CRHR2: variants seen among roughly 807,000 people sequenced by gnomAD.
CRHR2 encodes the protein corticotropin-releasing hormone receptor 2.
CRHR2 carries 53 observed loss-of-function variants against 57.9 expected under a neutral mutation model. That is an observed-to-expected ratio of 0.92 (90% CI 0.73 to 1.15). The LOEUF (loss-of-function observed/expected upper bound fraction) is 1.15. Ranked by LOEUF, CRHR2 falls within the 50% of genes most tolerant of loss-of-function variation. CRHR2 has a pLI of 0.00. For synonymous variants in CRHR2, 213 were observed against 220.9 expected (o/e 0.96, Z 0.32); for missense variants, 532 against 542.6 (o/e 0.98, Z 0.19).
chr7:30,673,419 T>G (rs1246484279), intron 2 of CRHR2, among the ~76,000 whole-genome samples: 1 of 152,024 alleles, frequency 6.6e-6, no homozygotes, highest in Non-Finnish European at 1.5e-5. Context: ...GGTCTCACTA[T>G]GTGGTTTTGG....
At chr7:30,690,742 C>A (rs1166339938) in intron 1 of CRHR2, among the ~76,000 whole-genome samples, 1 of 152,208 alleles carries the variant, frequency 6.6e-6, no homozygotes, top group Non-Finnish European at 1.5e-5. Context: ...CCCACCTGCT[C>A]AGACAGGAGA....
rs765449801 is a variant in CRHR2 at position 30,655,756 on chromosome 7, A to G, written c.918-41T>C. On this transcript the variant is annotated intron_variant, in intron 9 of 11. Transcript: ENST00000471646. ...GGACACAGGTCTGAGCCCATGCGGC[A>G]GGCAGGGCCTCACCCAGTGGGCGGC... 5.0e-6 allele frequency: 8 copies of G among 1,602,168 alleles called. No individual in the cohort carries two copies. The African/African-American group carries it at 1.1e-4, about 22-fold the overall frequency.
At chr7:30,699,020 C>T (rs1215627299) in intron 1 of CRHR2, among the ~76,000 whole-genome samples, 1 of 152,196 alleles carries the variant, frequency 6.6e-6, no homozygotes, top group African/African-American at 2.4e-5. Flanking sequence ...GGACACTAAG[C>T]CCCAGAGAAT....
intron 2 of CRHR2, among the ~76,000 whole-genome samples, chr7:30,674,470 C>G (rs1784455357): frequency 6.6e-6 from 1 of 152,234 alleles, no homozygotes; most frequent in Non-Finnish European, 1.5e-5. Context: ...ACTCATCAAG[C>G]CCTCCACCCA....
At chr7:30,662,087 C>T (rs2128141646) in intron 7 of CRHR2, 69 bp downstream of exon 7, 1 of 1,558,510 alleles carries the variant, frequency 6.4e-7, no homozygotes, top group East Asian at 2.2e-5. Flanking sequence ...GGCCAGAGCC[C>T]AAGGCTGACC....
rs774729364 is a variant in CRHR2, at chr7:30,681,998, G to C, written c.146C>G (p.Thr49Arg). ...TCCGGCAGCGCTGCGGGGCCAGCAC[G>C]TTCCGATCTGGTCCAAGGTCGTGTT... The part of the protein sequence containing the change: ...YCNTTLDQIG[T>R]CWPRSAAGAL... Residue 49 changes from threonine to arginine, a missense_variant, in exon 2 of 12, where the codon ACG (threonine) becomes AGG (arginine). Thr to Arg is a moderately conservative substitution (Grantham distance 71, BLOSUM62 -1). Transcript: ENST00000471646. The C allele has an allele frequency of 6.2e-7, 1 of 1,605,882 alleles. No homozygotes were observed. Among genetic ancestry groups the C allele is most frequent in the Non-Finnish European group, 8.5e-7 (1 of 1,176,754 alleles).
chr7:30,659,823 C>T (rs1783926760), intron 8 of CRHR2, among the ~76,000 whole-genome samples: 1 of 152,256 alleles, frequency 6.6e-6, no homozygotes, highest in African/African-American at 2.4e-5. Context: ...CCAGAAGGAA[C>T]TGTGGCCCTT....
At chr7:30,660,861 C>T (rs1022964309) in intron 7 of CRHR2, among the ~76,000 whole-genome samples, 2 of 152,236 alleles carry the variant, frequency 1.3e-5, no homozygotes, top group Non-Finnish European at 1.5e-5. Flanking sequence ...CTCCCCAGCC[C>T]GACTGAGGAC....
chr7:30,695,048 C>T (rs80153292), intron 1 of CRHR2, among the ~76,000 whole-genome samples: 2,598 of 62,792 alleles, frequency 0.041, 83 homozygotes, highest in African/African-American at 0.14. Context: ...GATACAGGAA[C>T]GGGGAGGAGG....
chr7:30,692,954 T>C (rs960770620), intron 1 of CRHR2, among the ~76,000 whole-genome samples: 2 of 152,046 alleles, frequency 1.3e-5, no homozygotes, highest in Non-Finnish European at 2.9e-5. Context: ...GGTGAGGAAG[T>C]GAAGACCTGT....
chr7:30,673,306 C>A (rs1279464954), intron 2 of CRHR2, among the ~76,000 whole-genome samples: 1 of 152,048 alleles, frequency 6.6e-6, no homozygotes. Context: ...AACTCCTATA[C>A]TCAAGTGATC....
chr7:30,681,026 C>T (rs1033377391), intron 2 of CRHR2, among the ~76,000 whole-genome samples: 2 of 152,064 alleles, frequency 1.3e-5, no homozygotes, highest in South Asian at 2.1e-4. Context: ...ATTGCTGCCC[C>T]CACAGCCTCC....
At chr7:30,691,475 T>G (rs1380588866) in intron 1 of CRHR2, among the ~76,000 whole-genome samples, 1 of 152,204 alleles carries the variant, frequency 6.6e-6, no homozygotes, top group Non-Finnish European at 1.5e-5. Context: ...TTTGAACCCA[T>G]GATGGGGTCA....
chr7:30,694,944 G>A (rs1470842866), intron 1 of CRHR2, among the ~76,000 whole-genome samples: 1 of 143,612 alleles, frequency 7.0e-6, no homozygotes, highest in Admixed American at 7.0e-5. Flanking sequence ...AGAATGGGGA[G>A]GAGAGAAGGA....
intron 1 of CRHR2, among the ~76,000 whole-genome samples, chr7:30,691,296 G>GGTAC (rs1275604265): frequency 4.6e-5 from 7 of 152,216 alleles, no homozygotes; most frequent in African/African-American, 1.7e-4. Context: ...TGGAGGTCAG[G>GGTAC]GTACGGGCAA....
At chr7:30,655,245 C>T (rs990350625) in intron 10 of CRHR2, among the ~76,000 whole-genome samples, 165 bp from the exon 11 acceptor site, 12 of 152,150 alleles carry the variant, frequency 7.9e-5, no homozygotes, top group Admixed American at 3.3e-4. Context: ...AGATATTCCA[C>T]GGTCCACTCT....
At chr7:30,654,470 G>T (rs1400529575) in intron 11 of CRHR2, among the ~76,000 whole-genome samples, 1 of 152,190 alleles carries the variant, frequency 6.6e-6, no homozygotes, top group Non-Finnish European at 1.5e-5. Flanking sequence ...GGCCCTAGGG[G>T]CTGTGTCTGC....
chr7:30,667,403 G>A (rs558965761), intron 2 of CRHR2, 90 bp from the exon 3 acceptor site: 48 of 1,012,344 alleles, frequency 4.7e-5, no homozygotes, highest in South Asian at 4.4e-4. Flanking sequence ...TAAGGTGTAC[G>A]CACCTCAGCT....
At chr7:30,677,784 G>A (rs1210469379) in intron 2 of CRHR2, among the ~76,000 whole-genome samples, 1 of 152,190 alleles carries the variant, frequency 6.6e-6, no homozygotes, top group Admixed American at 6.5e-5. Flanking sequence ...TAAGACTCCA[G>A]GTTGGCCAGG....
Sources: gnomAD v4.1 joint callset for allele counts (sites outside exome capture counted in the v4.1 genomes callset) on GRCh38, gnomAD v4.1.1 for gene constraint, MANE v1.5 for transcripts, NCBI Gene and HGNC (gene_info 2026-07-23, HGNC 2026-07-21) for gene names.